The following FAM227B variants were observed in gnomAD, a reference collection of about 807,000 sequenced individuals.
FAM227B encodes family with sequence similarity 227 member B, also known as protein FAM227B.
Under a neutral mutation model 73.8 loss-of-function variants are expected in FAM227B, and 88 were observed. The observed-to-expected ratio is 1.19, with a 90% CI of 1.00 to 1.42. The LOEUF is 1.42. Among genes scored for constraint, FAM227B ranks in the 40% most tolerant of loss-of-function variants. The pLI, the probability that FAM227B is intolerant of heterozygous loss-of-function variation, is 0.00. For missense variants in FAM227B, 632 were observed against 590.9 expected (o/e 1.07, Z -0.72); for synonymous variants, 210 against 190.5 (o/e 1.10, Z -0.84).
At chr15:49,545,470 G>GT (rs1463638510) in intron 9 of FAM227B, among the ~76,000 whole-genome samples, 6 of 151,910 alleles carry the variant, frequency 3.9e-5, no homozygotes, top group Admixed American at 2.6e-4. Flanking sequence ...GTCTTTTATA[G>GT]TTTTTTGTTT....
chr15:49,505,081 G>T (rs922681865), intron 11 of FAM227B, among the ~76,000 whole-genome samples: 1 of 152,126 alleles, frequency 6.6e-6, no homozygotes, highest in Non-Finnish European at 1.5e-5. Context: ...CAAAGGAAGA[G>T]ATTATTAATA....
rs543155145 is a variant in FAM227B at position 49,443,282 on chromosome 15, A to G, written c.1012+64929T>C. ...AAACTCTTTACTACTGAATTTCTTT[A>G]CTATTATATATGTTTTTGAGGTTAT... On this transcript the variant is annotated intron_variant, in intron 11 of 15. Coordinates refer to ENST00000299338, the MANE Select transcript of FAM227B (RefSeq NM_152647.3). Among the ~76,000 whole-genome samples, 314 of 151,816 alleles carry G rather than the reference A, an allele frequency of 2.1e-3. 2 individuals are homozygous for G. Among genetic ancestry groups the G allele is most frequent in the African/African-American group, 7.2e-3 (298 of 41,504 alleles).
At chr15:49,423,388 G>A (rs1211066126) in intron 11 of FAM227B, 1 of 152,136 alleles carries the variant, frequency 6.6e-6, no homozygotes, top group Non-Finnish European at 1.5e-5. Flanking sequence ...AGTTGCACCA[G>A]GCAGACAACA....
At chr15:49,574,931 T>G (rs1476324647) in intron 8 of FAM227B, 80 bp downstream of exon 8, 1 of 789,074 alleles carries the variant, frequency 1.3e-6, no homozygotes, top group African/African-American at 1.8e-5. Context: ...AAAAACATTT[T>G]TGTACTAGAC....
chr15:49,335,989 C>G (rs1009303768), intron 13 of FAM227B, among the ~76,000 whole-genome samples: 1 of 152,120 alleles, frequency 6.6e-6, no homozygotes, highest in Non-Finnish European at 1.5e-5. Context: ...GAGTAGTAGA[C>G]AGTTTCTCGC....
chr15:49,443,351 G>A (rs752625491), intron 11 of FAM227B, among the ~76,000 whole-genome samples: 11 of 150,940 alleles, frequency 7.3e-5, no homozygotes, highest in South Asian at 2.1e-4. Context: ...AATGGTATGC[G>A]TCTGTATATT....
At chr15:49,502,176 C>T (rs532096915) in intron 11 of FAM227B, among the ~76,000 whole-genome samples, 1 of 152,206 alleles carries the variant, frequency 6.6e-6, no homozygotes, top group Non-Finnish European at 1.5e-5. Context: ...AGGATAAGAG[C>T]CCCCACACAG....
chr15:49,607,405 A>T (rs1273089793), intron 3 of FAM227B, among the ~76,000 whole-genome samples: 1 of 152,192 alleles, frequency 6.6e-6, no homozygotes, highest in African/African-American at 2.4e-5. Context: ...TTGAAGAATA[A>T]GAGAAGGTCA....
intron 11 of FAM227B, among the ~76,000 whole-genome samples, chr15:49,420,501 A>G (rs991295867): frequency 3.9e-5 from 6 of 152,228 alleles, no homozygotes; most frequent in African/African-American, 1.4e-4. Flanking sequence ...ACACACAAAC[A>G]TATGTATCCA....
At chr15:49,439,031 G>A (rs1245995415) in intron 11 of FAM227B, among the ~76,000 whole-genome samples, 1 of 151,864 alleles carries the variant, frequency 6.6e-6, no homozygotes, top group African/African-American at 2.4e-5. Context: ...TAGCTGAGTG[G>A]GTTGGTCTTA....
At chr15:49,407,284 C>A (rs537271127) in intron 11 of FAM227B, among the ~76,000 whole-genome samples, 2 of 152,182 alleles carry the variant, frequency 1.3e-5, no homozygotes, top group African/African-American at 4.8e-5. Flanking sequence ...TGGTGAGAGC[C>A]GGTTGCTCCT....
chr15:49,341,229 AT>A (rs532528976), intron 13 of FAM227B, among the ~76,000 whole-genome samples: 2 of 151,622 alleles, frequency 1.3e-5, no homozygotes, highest in African/African-American at 4.8e-5. Context: ...TTTGCTTAGG[AT>A]TTTTTTTGGC....
At chr15:49,438,795 G>A (rs1429128989) in intron 11 of FAM227B, among the ~76,000 whole-genome samples, 1 of 151,302 alleles carries the variant, frequency 6.6e-6, no homozygotes, top group African/African-American at 2.4e-5. Context: ...TTCTTGAATA[G>A]ATTACAGTTG....
chr15:49,587,415 T>C (rs1345863151), intron 5 of FAM227B, among the ~76,000 whole-genome samples: 1 of 152,094 alleles, frequency 6.6e-6, no homozygotes. Context: ...AAATAATCTG[T>C]ACAGCAAACC....
chr15:49,602,139 T>C (rs555022497), intron 3 of FAM227B, among the ~76,000 whole-genome samples: 1 of 152,316 alleles, frequency 6.6e-6, no homozygotes, highest in East Asian at 1.9e-4. Flanking sequence ...TACTGATTTT[T>C]TTTCTCTGGG....
intron 11 of FAM227B, among the ~76,000 whole-genome samples, chr15:49,407,514 T>G (rs2048594654): frequency 6.6e-6 from 1 of 152,038 alleles, no homozygotes; most frequent in Admixed American, 6.6e-5. Flanking sequence ...CTTTGTCTAG[T>G]CTGCCATCTT....
intron 11 of FAM227B, among the ~76,000 whole-genome samples, chr15:49,465,480 G>T (rs1019068214): frequency 5.3e-5 from 8 of 151,952 alleles, no homozygotes; most frequent in African/African-American, 1.9e-4. Context: ...TAGATAAATA[G>T]ATATGCTATC....
At chr15:49,618,556 A>G (rs1168411018) in intron 1 of FAM227B, among the ~76,000 whole-genome samples, 1 of 152,226 alleles carries the variant, frequency 6.6e-6, no homozygotes, top group Non-Finnish European at 1.5e-5. Context: ...ATTTACCTAG[A>G]CAGTAGTGAT....
intron 11 of FAM227B, among the ~76,000 whole-genome samples, chr15:49,469,972 T>A (rs1185375933): frequency 6.6e-6 from 1 of 152,162 alleles, no homozygotes; most frequent in Non-Finnish European, 1.5e-5. Flanking sequence ...GTTTAATGAT[T>A]CCATCTTTTC....
Sources: allele counts gnomAD v4.1 joint callset (sites outside exome capture counted in the v4.1 genomes callset), GRCh38; gene constraint gnomAD v4.1.1; transcripts MANE v1.5; gene names NCBI Gene and HGNC (gene_info 2026-07-23, HGNC 2026-07-21).